Variants in RABGAP1L observed in about 807,000 individuals in gnomAD.
RABGAP1L encodes the protein rab GTPase-activating protein 1-like.
A neutral mutation model predicts 137.7 loss-of-function variants in RABGAP1L; 63 were observed. The ratio of observed to expected loss-of-function variants is 0.46; its 90% confidence interval spans 0.37 to 0.56. RABGAP1L has a LOEUF of 0.56. RABGAP1L is among the 20% of genes least tolerant of loss of function. RABGAP1L has a pLI of 0.00. For synonymous variants in RABGAP1L, 431 were observed against 433.7 expected, an observed-to-expected ratio of 0.99 and a Z score of 0.08; for missense variants, 1,095 against 1,244.0, an observed-to-expected ratio of 0.88 and a Z score of 1.80.
At chr1:174,430,615 A>G (rs1433167858) in intron 13 of RABGAP1L, among the ~76,000 whole-genome samples, 1 of 152,204 alleles carries the variant, frequency 6.6e-6, no homozygotes, top group East Asian at 1.9e-4. Flanking sequence ...GCAAGTTAGA[A>G]GAGCAGAAAA....
chr1:174,410,463 A>G (rs978987879), intron 13 of RABGAP1L, among the ~76,000 whole-genome samples: 1 of 152,152 alleles, frequency 6.6e-6, no homozygotes, highest in African/African-American at 2.4e-5. Context: ...AGCAGGGATA[A>G]TGTGTGGCTA....
Position 174,660,220 on chromosome 1 carries a change from T to C in RABGAP1L, c.1824+22732T>C, listed in dbSNP as rs1422855577. 2.0e-5 allele frequency among the ~76,000 whole-genome samples: 3 copies of C among 152,116 alleles called. No homozygotes were observed. In the East Asian group the frequency reaches 5.8e-4, roughly 29 times the overall value. On this transcript the variant is annotated intron_variant, in intron 14 of 25. Coordinates refer to ENST00000681986, the MANE Select transcript of RABGAP1L (RefSeq NM_001366446.1). Reference sequence around the variant, plus strand: ...GCAGTGGGGTAAGCCAGGCGCCATATGACACACACTTAAGCAGAACAAAGA... The same window carrying C: ...GCAGTGGGGTAAGCCAGGCGCCATACGACACACACTTAAGCAGAACAAAGA...
chr1:174,450,508 A>C (rs1188947569), intron 13 of RABGAP1L, among the ~76,000 whole-genome samples: 1 of 152,218 alleles, frequency 6.6e-6, no homozygotes, highest in Non-Finnish European at 1.5e-5. Flanking sequence ...AGATATTTAT[A>C]TTAGACAAAG....
Position 174,233,461 on chromosome 1 carries a change from T to C in RABGAP1L, c.542+2106T>C, listed in dbSNP as rs1266324337. Among the ~76,000 whole-genome samples the C allele has an allele frequency of 2.3e-5, 3 of 127,852 alleles. 1 individual carries two copies. Among genetic ancestry groups the C allele is most frequent in the African/African-American group, 6.9e-5 (2 of 29,070 alleles). 83.9% of individuals were successfully genotyped at this position (127,852 alleles called of 152,430 possible). A position where few individuals can be genotyped will look rare whatever the true frequency, so the allele number is the denominator to read the frequency against. ...CCCCAGAGTGTGATATTCCCCTTCC[T>C]GTGTCCATGTGATCTCATTGTTCAC... On this transcript the variant is annotated intron_variant, in intron 4 of 25. Transcript: ENST00000681986.
chr1:174,891,230 A>G (rs760873064), intron 19 of RABGAP1L, among the ~76,000 whole-genome samples: 1 of 152,232 alleles, frequency 6.6e-6, no homozygotes, highest in South Asian at 2.1e-4. Context: ...GAGGCACGGG[A>G]TAGAAAGATG....
chr1:174,374,057 ATCT>A (rs978754637), intron 12 of RABGAP1L, among the ~76,000 whole-genome samples: 1 of 152,184 alleles, frequency 6.6e-6, no homozygotes, highest in African/African-American at 2.4e-5. Flanking sequence ...ACTTGTCCTA[ATCT>A]TCTTCATCTT....
At chr1:174,834,460 G>T (rs1386964884) in intron 19 of RABGAP1L, among the ~76,000 whole-genome samples, 1 of 150,442 alleles carries the variant, frequency 6.6e-6, no homozygotes, top group African/African-American at 2.4e-5. Context: ...CTAAACCTGT[G>T]TTTTTTTTCT....
chr1:174,296,091 C>T (rs987578287), intron 10 of RABGAP1L, among the ~76,000 whole-genome samples: 37 of 152,078 alleles, frequency 2.4e-4, no homozygotes, highest in African/African-American at 8.7e-4. Flanking sequence ...GGGGTAAAAT[C>T]ATAAGAACAT....
rs554903687 is a variant in RABGAP1L, at chr1:174,164,832, G to A, written c.-34+5175G>A. ...TTTAACAACAAATACAACTAGTTTA[G>A]CCTACCCTCTTAACTTTGTAAGTGA... is the stretch of plus-strand genomic sequence containing the variant. On this transcript the variant is annotated intron_variant, in intron 1 of 25. Coordinates refer to ENST00000681986, the MANE Select transcript of RABGAP1L (RefSeq NM_001366446.1). Among the ~76,000 whole-genome samples the A allele has an allele frequency of 2.2e-4, 34 of 152,290 alleles. No homozygotes were observed. In the South Asian group the frequency reaches 6.8e-3, roughly 31 times the overall value.
At chr1:174,530,126 C>T (rs1378075424) in intron 13 of RABGAP1L, among the ~76,000 whole-genome samples, 1 of 147,374 alleles carries the variant, frequency 6.8e-6, no homozygotes, top group African/African-American at 2.5e-5. Flanking sequence ...GGCGGGACTG[C>T]CTTCAGTGGC....
intron 22 of RABGAP1L, 139 bp downstream of exon 22, chr1:174,976,321 A>T (rs965438113): frequency 2.8e-6 from 2 of 703,754 alleles, no homozygotes; most frequent in African/African-American, 3.6e-5. Context: ...GAGTGTACTT[A>T]CTCAACATTT....
At chr1:174,720,134 C>G in intron 17 of RABGAP1L, among the ~76,000 whole-genome samples, 1 of 152,152 alleles carries the variant, frequency 6.6e-6, no homozygotes. Context: ...GAAATACACT[C>G]ACGTATTTGT....
chr1:174,418,796 T>C (rs1650911873), intron 13 of RABGAP1L, among the ~76,000 whole-genome samples: 1 of 152,152 alleles, frequency 6.6e-6, no homozygotes, highest in Admixed American at 6.6e-5. Context: ...CCCAGCACTT[T>C]GGGAGGCTGA....
intron 19 of RABGAP1L, among the ~76,000 whole-genome samples, chr1:174,898,407 T>G (rs947472513): frequency 3.3e-5 from 5 of 152,214 alleles, no homozygotes; most frequent in African/African-American, 9.6e-5. Flanking sequence ...TTATTAGATG[T>G]TACATACAAT....
chr1:174,867,349 AAGAT>A (rs1175116413), intron 19 of RABGAP1L, among the ~76,000 whole-genome samples: 9 of 151,974 alleles, frequency 5.9e-5, no homozygotes, highest in East Asian at 5.8e-4. Context: ...CCAAAAAAAA[AAGAT>A]AGATAGATAG....
intron 19 of RABGAP1L, among the ~76,000 whole-genome samples, chr1:174,906,586 C>T (rs1177350535): frequency 6.6e-6 from 1 of 151,896 alleles, no homozygotes; most frequent in Admixed American, 6.6e-5. Flanking sequence ...TGAGATGGCG[C>T]CACTGCACTC....
chr1:174,666,913 A>G (rs966463317), intron 14 of RABGAP1L, among the ~76,000 whole-genome samples: 45 of 151,916 alleles, frequency 3.0e-4, no homozygotes, highest in African/African-American at 1.1e-3. Context: ...AGGTTAACCA[A>G]GAAACTCCTA....
intron 10 of RABGAP1L, among the ~76,000 whole-genome samples, chr1:174,294,701 A>G (rs545816297): frequency 5.9e-5 from 9 of 152,312 alleles, no homozygotes; most frequent in Admixed American, 5.9e-4. Flanking sequence ...CAAGAAAGGC[A>G]GTGGCAGTGA....
At chr1:174,820,563 G>A (rs1348550807) in intron 19 of RABGAP1L, among the ~76,000 whole-genome samples, 1 of 151,930 alleles carries the variant, frequency 6.6e-6, no homozygotes, top group African/African-American at 2.4e-5. Context: ...AAGATAGATG[G>A]GACTGAAAGA....
Sources: allele counts gnomAD v4.1 joint callset (sites outside exome capture counted in the v4.1 genomes callset), GRCh38; gene constraint gnomAD v4.1.1; transcripts MANE v1.5; gene names NCBI Gene and HGNC (gene_info 2026-07-23, HGNC 2026-07-21).